TNIK: variants seen among roughly 807,000 people sequenced by gnomAD.
TNIK encodes TRAF2 and NCK-interacting protein kinase.
TNIK carries 49 observed loss-of-function variants against 191.3 expected under a neutral mutation model. That is an observed-to-expected ratio of 0.26 (90% CI 0.20 to 0.32). The LOEUF (loss-of-function observed/expected upper bound fraction) is 0.32, where lower values mean the gene tolerates loss of function less well. Among genes scored for constraint, TNIK ranks in the 10% least tolerant of loss-of-function variants. The probability of loss-of-function intolerance (pLI) is 1.00; values close to 1 mark genes in which losing one functional copy is unlikely to be tolerated. For missense variants in TNIK, 1,155 were observed against 1,702.3 expected (o/e 0.68, Z 5.66); for synonymous variants, 594 against 600.9 (o/e 0.99, Z 0.17).
chr3:171,224,007 C>A (rs184568673), intron 3 of TNIK, among the ~76,000 whole-genome samples: 1 of 152,222 alleles, frequency 6.6e-6, no homozygotes, highest in East Asian at 1.9e-4. Flanking sequence ...CCAGCCCAGG[C>A]GTGGACTGGA....
At chr3:171,312,133 AAAAAAAAAGG>A (rs1754097477) in intron 2 of TNIK, among the ~76,000 whole-genome samples, 4 of 133,622 alleles carry the variant, frequency 3.0e-5, no homozygotes, top group Non-Finnish European at 6.5e-5. Flanking sequence ...AAAAAAAAAA[AAAAAAAAAGG>A]GCTAGACTGG....
At chr3:171,276,631 G>T (rs1480445114) in intron 2 of TNIK, among the ~76,000 whole-genome samples, 1 of 152,090 alleles carries the variant, frequency 6.6e-6, no homozygotes, top group Non-Finnish European at 1.5e-5. Context: ...AAAGCTTAAA[G>T]ACTTAAATGT....
intron 2 of TNIK, among the ~76,000 whole-genome samples, chr3:171,317,359 C>T (rs925942048): frequency 6.6e-6 from 1 of 152,102 alleles, no homozygotes; most frequent in Non-Finnish European, 1.5e-5. Context: ...CAGCCAAGCA[C>T]CATGATAGTG....
At chr3:171,354,558 T>C (rs16856177) in intron 2 of TNIK, among the ~76,000 whole-genome samples, 3,162 of 152,296 alleles carry the variant, frequency 0.021, 125 homozygotes, top group African/African-American at 0.073. Context: ...TGAAATCTTA[T>C]GATTATGAGC....
At chr3:171,213,071 G>GC (rs1741033157) in intron 3 of TNIK, among the ~76,000 whole-genome samples, 1 of 152,026 alleles carries the variant, frequency 6.6e-6, no homozygotes, top group Non-Finnish European at 1.5e-5. Context: ...GCACACTGCT[G>GC]ACCACCTATT....
intron 2 of TNIK, among the ~76,000 whole-genome samples, chr3:171,360,736 C>A (rs1189800831): frequency 6.6e-6 from 1 of 152,204 alleles, no homozygotes; most frequent in Non-Finnish European, 1.5e-5. Flanking sequence ...CTACTTAATT[C>A]CCCTTCCACA....
Position 171,126,079 on chromosome 3 carries a change from T to G in TNIK, c.1846A>C (p.Thr616Pro), listed in dbSNP as rs534945696. 6.2e-7 allele frequency: 1 copy of G among 1,611,888 alleles called. No individual in the cohort carries two copies. The highest frequency in any genetic ancestry group is 2.2e-5 in the East Asian group (1 of 44,856). ...TASQSVHEQPTKGLSGFQEAL... is the reference protein window; with the variant it reads ...TASQSVHEQPPKGLSGFQEAL... ...TCCTGAAACCCAGAGAGGCCCTTTG[T>G]GGGCTGCTCGTGCACTGACTGGGAG... Residue 616 changes from threonine to proline, a missense_variant, in exon 17 of 33, where the codon ACA becomes CCA. Around this residue, in one of 3 missense-constraint regions of TNIK, gnomAD observed 735 missense variants for 848.0 expected, o/e 0.87. Coordinates refer to ENST00000436636, the MANE Select transcript of TNIK (RefSeq NM_015028.4).
chr3:171,311,745 T>A (rs1754040853), intron 2 of TNIK, among the ~76,000 whole-genome samples: 1 of 152,306 alleles, frequency 6.6e-6, no homozygotes, highest in South Asian at 2.1e-4. Context: ...TAACAAGTTA[T>A]GTGAGTGGAA....
chr3:171,370,645 TGGCAAACTG>T lies in TNIK; in HGVS notation c.58-969_58-961del, dbSNP rs887140005. Among the ~76,000 whole-genome samples, 224 of 152,252 alleles carry T rather than the reference TGGCAAACTG, an allele frequency of 1.5e-3. 3 individuals carry two copies. Among genetic ancestry groups the T allele is most frequent in the Non-Finnish European group, 2.5e-4 (17 of 68,000 alleles). ...AGTAAAGTGGTCCAGTTGGGGCCTG[TGGCAAACTG>T]GGCAACCCGAGCCTCCTTGAGGGAG... is the stretch of plus-strand genomic sequence containing the variant. On this transcript the variant is annotated intron_variant, in intron 1 of 32. Transcript: ENST00000436636.
chr3:171,297,144 G>C (rs147482397), intron 2 of TNIK, among the ~76,000 whole-genome samples: 2 of 152,030 alleles, frequency 1.3e-5, no homozygotes, highest in Non-Finnish European at 2.9e-5. Flanking sequence ...TCAGTCTCTC[G>C]ATAACTCCCC....
At chr3:171,225,842 A>G in intron 3 of TNIK, 1 of 339,780 alleles carries the variant, frequency 2.9e-6, no homozygotes, top group Non-Finnish European at 5.8e-6. Flanking sequence ...TAGTTCTTCA[A>G]AACCACACAA....
chr3:171,397,867 A>T (rs1274781091), intron 1 of TNIK, among the ~76,000 whole-genome samples: 2 of 152,208 alleles, frequency 1.3e-5, no homozygotes, highest in Non-Finnish European at 2.9e-5. Flanking sequence ...TCTGTGGTCT[A>T]GATTTACAAC....
intron 2 of TNIK, among the ~76,000 whole-genome samples, chr3:171,235,019 TTTTA>T (rs201680470): frequency 0.015 from 2,324 of 152,262 alleles, 23 homozygotes; most frequent in South Asian, 0.032. Flanking sequence ...TTTAAAAATT[TTTTA>T]TTTGTTTATT....
At chr3:171,087,879 A>G (rs1721573449) in intron 23 of TNIK, among the ~76,000 whole-genome samples, 1 of 152,172 alleles carries the variant, frequency 6.6e-6, no homozygotes. Flanking sequence ...TTTACAGATC[A>G]TATTACCAGG....
At chr3:171,078,698 T>C (rs1277161545) in intron 28 of TNIK, among the ~76,000 whole-genome samples, 2 of 152,218 alleles carry the variant, frequency 1.3e-5, no homozygotes, top group African/African-American at 2.4e-5. Context: ...GGCTTATCTT[T>C]AGGGTAGTTA....
intron 1 of TNIK, among the ~76,000 whole-genome samples, chr3:171,378,063 T>G (rs1347010046): frequency 1.3e-5 from 2 of 152,178 alleles, no homozygotes; most frequent in Non-Finnish European, 2.9e-5. Context: ...ATGAGCCAAA[T>G]GGCTGGGAGC....
At chr3:171,084,878 G>A (rs1721140024) in intron 25 of TNIK, among the ~76,000 whole-genome samples, 1 of 152,158 alleles carries the variant, frequency 6.6e-6, no homozygotes. Flanking sequence ...GCTTTTCCTA[G>A]GGTCCCTATG....
chr3:171,190,989 T>G (rs1201851381), intron 5 of TNIK, among the ~76,000 whole-genome samples: 1 of 152,194 alleles, frequency 6.6e-6, no homozygotes. Flanking sequence ...AGGCAGTCCT[T>G]GCAATGCATG....
intron 7 of TNIK, among the ~76,000 whole-genome samples, chr3:171,183,022 A>G (rs1736857888): frequency 6.6e-6 from 1 of 152,236 alleles, no homozygotes; most frequent in South Asian, 2.1e-4. Flanking sequence ...TGGGTATTCA[A>G]CGAATGTGGG....
Sources: gnomAD v4.1 joint callset for allele counts (sites outside exome capture counted in the v4.1 genomes callset) on GRCh38, gnomAD v4.1.1 for gene constraint, gnomAD v4.1.1 regional missense constraint, MANE v1.5 for transcripts, NCBI Gene and HGNC (gene_info 2026-07-23, HGNC 2026-07-21) for gene names.